The following GPRIN3 variants were observed in gnomAD, a reference collection of about 807,000 sequenced individuals.
GPRIN3 encodes the protein GPRIN family member 3.
In GPRIN3, 12 loss-of-function variants were observed where a neutral mutation model predicts 13.7. The ratio of observed to expected loss-of-function variants is 0.87; its 90% CI spans 0.56 to 1.42. The LOEUF is 1.42. GPRIN3 is among the 40% of genes most tolerant of loss of function. The pLI, the probability that GPRIN3 is intolerant of heterozygous loss-of-function variation, is 0.00. For missense variants in GPRIN3, 1,009 were observed against 958.7 expected (o/e 1.05, Z -0.69); for synonymous variants, 377 against 372.7 (o/e 1.01, Z -0.13).
chr4:89,266,554 A>T (rs1561201062), intron 1 of GPRIN3, among the ~76,000 whole-genome samples: 1 of 152,246 alleles, frequency 6.6e-6, no homozygotes, highest in East Asian at 1.9e-4. Flanking sequence ...GGAAAACTTG[A>T]CAAAGGTGGG....
intron 1 of GPRIN3, among the ~76,000 whole-genome samples, chr4:89,297,447 C>G (rs931720949): frequency 6.6e-6 from 1 of 152,088 alleles, no homozygotes; most frequent in Non-Finnish European, 1.5e-5. Flanking sequence ...AAACCCTCTT[C>G]CCGCATGTGT....
In GPRIN3 at chr4:89,260,281, G is replaced by T. The variant is rs116325522; in HGVS notation, c.-123-10048C>A. ...TAGGCAAATTCCTCAGGGTCTTATG[G>T]TCTATACCTGCTCTGTGCTCCCCAT... On this transcript the variant is annotated intron_variant, in intron 1 of 1. Transcript: ENST00000609438. Among the ~76,000 whole-genome samples, 569 of 152,282 alleles carry T rather than the reference G, an allele frequency of 3.7e-3. 4 individuals are homozygous for T. The highest frequency in any genetic ancestry group is 0.013 in the African/African-American group (546 of 41,552).
At chr4:89,262,370 G>A (rs1723654818) in intron 1 of GPRIN3, among the ~76,000 whole-genome samples, 1 of 152,070 alleles carries the variant, frequency 6.6e-6, no homozygotes, top group African/African-American at 2.4e-5. Context: ...GTGCTTGGGG[G>A]ACAGAATGGA....
intron 1 of GPRIN3, among the ~76,000 whole-genome samples, chr4:89,260,432 G>A (rs73845920): frequency 8.5e-4 from 130 of 152,306 alleles, no homozygotes; most frequent in African/African-American, 2.9e-3. Flanking sequence ...TTAAAAAAGC[G>A]AGGAAGAGAA....
chr4:89,284,898 T>G (rs1561219878), intron 1 of GPRIN3, among the ~76,000 whole-genome samples: 1 of 152,196 alleles, frequency 6.6e-6, no homozygotes, highest in Non-Finnish European at 1.5e-5. Flanking sequence ...TGAATTCTGC[T>G]AATAGGCTGG....
intron 1 of GPRIN3, among the ~76,000 whole-genome samples, chr4:89,271,373 G>A (rs1463122866): frequency 6.6e-6 from 1 of 151,964 alleles, no homozygotes; most frequent in Non-Finnish European, 1.5e-5. Flanking sequence ...CCCAGTGCAT[G>A]GTATAGACAT....
In GPRIN3 at chr4:89,298,811, T is replaced by C. The variant is rs146716136; in HGVS notation, c.-124+8804A>G. ...CTCCTAAATAAATTCCTATTTCCAG[T>C]TGGAGGAAAGCTTTGATTCAATTTG... On this transcript the variant is annotated intron_variant, in intron 1 of 1. Transcript: ENST00000609438. 4.8e-3 allele frequency among the ~76,000 whole-genome samples: 732 copies of C among 152,172 alleles called. 2 individuals are homozygous for C. Among genetic ancestry groups the C allele is most frequent in the South Asian group, 7.2e-3 (35 of 4,828 alleles).
In GPRIN3 at chr4:89,249,252, G is replaced by A. The variant is rs952015054; in HGVS notation, c.859C>T (p.Pro287Ser). 6.8e-6 allele frequency: 11 copies of A among 1,613,964 alleles called. No individual in the cohort carries two copies. Among genetic ancestry groups the A allele is most frequent in the Non-Finnish European group, 9.3e-6 (11 of 1,180,020 alleles). ...AACCTTGACATCTGACGCTGTGCTG[G>A]CAGCGGCACCTTCTCTGGACCTGGG... ...CPPGPEKVPL[P>S]AQRQMSRFKE... The change falls in exon 2 of 2, where the codon CCA (proline) becomes TCA (serine). Residue 287 changes from proline to serine, a missense_variant. Transcript: ENST00000609438.
chr4:89,263,725 C>G (rs1336738782), intron 1 of GPRIN3, among the ~76,000 whole-genome samples: 1 of 152,142 alleles, frequency 6.6e-6, no homozygotes, highest in African/African-American at 2.4e-5. Context: ...ATTTACGTAT[C>G]TGAAAACAAG....
rs532134284 is a variant in GPRIN3, at chr4:89,248,867, C to T, written c.1244G>A (p.Gly415Asp). The stretch of plus-strand genomic sequence containing the variant: ...GATTGATGAGGTTTTAAGGACCCCA[C>T]CTGGTAGGCTCGCAAGTTTATTTTC... ...QRENKLASLP[G>D]GVLKTSSINL... The change falls in exon 2 of 2, where the codon GGT (glycine) becomes GAT (aspartate). Residue 415 changes from glycine to aspartate, a missense_variant. Coordinates refer to ENST00000609438, the MANE Select transcript of GPRIN3 (RefSeq NM_198281.3). The T allele has an allele frequency of 1.1e-5, 17 of 1,614,056 alleles. No individual in the cohort carries two copies. Among genetic ancestry groups the T allele is most frequent in the Non-Finnish European group, 1.4e-5 (17 of 1,180,034 alleles).
intron 1 of GPRIN3, among the ~76,000 whole-genome samples, chr4:89,266,468 A>AT (rs1723782742): frequency 6.6e-6 from 1 of 152,200 alleles, no homozygotes; most frequent in African/African-American, 2.4e-5. Flanking sequence ...TTTGACTACA[A>AT]TTATATTATA....
At chr4:89,281,273 G>GC (rs1364128382) in intron 1 of GPRIN3, among the ~76,000 whole-genome samples, 1 of 151,966 alleles carries the variant, frequency 6.6e-6, no homozygotes, top group Non-Finnish European at 1.5e-5. Flanking sequence ...ACAGGCACCC[G>GC]CCACCACACC....
At chr4:89,306,502 C>G (rs560718576) in intron 1 of GPRIN3, among the ~76,000 whole-genome samples, 1 of 152,212 alleles carries the variant, frequency 6.6e-6, no homozygotes, top group East Asian at 1.9e-4. Context: ...GACCCAGATA[C>G]CTTGCAAAAA....
At chr4:89,275,339 C>T (rs561529249) in intron 1 of GPRIN3, among the ~76,000 whole-genome samples, 17 of 152,070 alleles carry the variant, frequency 1.1e-4, no homozygotes, top group African/African-American at 3.9e-4. Flanking sequence ...AAATTTTTAC[C>T]GATAATGTCT....
At chr4:89,256,383 G>T (rs1723466186) in intron 1 of GPRIN3, among the ~76,000 whole-genome samples, 1 of 152,104 alleles carries the variant, frequency 6.6e-6, no homozygotes, top group Admixed American at 6.6e-5. Flanking sequence ...AGCTGACACT[G>T]TCACTGACCA....
rs756033837 is a variant in GPRIN3 at position 89,248,562 on chromosome 4, A to T, written c.1549T>A (p.Ser517Thr). 15 of 1,613,194 alleles carry T rather than the reference A, an allele frequency of 9.3e-6. No individual in the cohort carries two copies. Among genetic ancestry groups the T allele is most frequent in the Non-Finnish European group, 1.3e-5 (15 of 1,179,246 alleles). The change falls in exon 2 of 2, where the codon TCT becomes ACT. Residue 517 changes from serine to threonine, a missense_variant. Ser to Thr is a moderately conservative substitution (Grantham distance 58, BLOSUM62 1). Transcript: ENST00000609438. ...PDCKLSDSCG[S>T]ISKADHSGSL... is the part of the protein sequence containing the mutation. ...CCAGAATGATCAGCTTTGCTGATAGAGCCACAAGAGTCAGATAGTTTGCAA... is the reference window on the plus strand; with the variant it reads ...CCAGAATGATCAGCTTTGCTGATAGTGCCACAAGAGTCAGATAGTTTGCAA...
At chr4:89,295,948 T>C (rs1370512610) in intron 1 of GPRIN3, among the ~76,000 whole-genome samples, 1 of 152,250 alleles carries the variant, frequency 6.6e-6, no homozygotes. Context: ...AGGTTTGATG[T>C]ACTTGTTATA....
At position 89,248,273 on chromosome 4, in the gene GPRIN3, C is replaced by T. The variant is rs148884438; in HGVS notation, c.1838G>A (p.Gly613Asp). Residue 613 changes from glycine to aspartate, a missense_variant, in exon 2 of 2, where the codon GGT becomes GAT. Gly to Asp is a moderately conservative substitution (Grantham distance 94). Coordinates refer to ENST00000609438, the MANE Select transcript of GPRIN3 (RefSeq NM_198281.3). The stretch of plus-strand genomic sequence containing the variant: ...CTTGCCAGAACCTGGGCTGGAGTCA[C>T]CCATGGGATCAGATGGCAGGCTCAG... ...TSLSLPSDPM[G>D]DSSPGSGKKT... is the part of the protein sequence containing the mutation. 253 of 1,613,998 alleles carry T rather than the reference C, an allele frequency of 1.6e-4. 1 individual carries two copies. Among genetic ancestry groups the T allele is most frequent in the Non-Finnish European group, 7.8e-5 (92 of 1,180,030 alleles).
intron 1 of GPRIN3, among the ~76,000 whole-genome samples, chr4:89,278,070 G>C (rs1180636128): frequency 6.6e-6 from 1 of 152,132 alleles, no homozygotes; most frequent in Non-Finnish European, 1.5e-5. Flanking sequence ...CTGAAACTCA[G>C]TGTCAGACAG....
Sources: allele counts gnomAD v4.1 joint callset (sites outside exome capture counted in the v4.1 genomes callset), GRCh38; gene constraint gnomAD v4.1.1; transcripts MANE v1.5; gene names NCBI Gene and HGNC (gene_info 2026-07-23, HGNC 2026-07-21).